NRDC: variants seen among roughly 807,000 people sequenced by gnomAD.
NRDC encodes nardilysin convertase.
NRDC carries 54 observed loss-of-function variants against 147.1 expected under a neutral mutation model. That is an observed-to-expected ratio of 0.37 (90% CI 0.29 to 0.46). The LOEUF (loss-of-function observed/expected upper bound fraction) is 0.46, where lower values mean the gene tolerates loss of function less well. Among genes scored for constraint, NRDC ranks in the 20% least tolerant of loss-of-function variants. The pLI, the probability that NRDC is intolerant of heterozygous loss-of-function variation, is 1.00. For missense variants in NRDC, 1,082 were observed against 1,370.6 expected (o/e 0.79, Z 3.33); for synonymous variants, 440 against 482.1 (o/e 0.91, Z 1.14).
Position 51,878,338 on chromosome 1 carries a change from C to G in NRDC, c.278G>C (p.Gly93Ala). ...AGGGTCCCCAGCATTACTGAGAGAC[C>G]CCCTCCGTCCCTCTTCCTCAGATTC... Reference protein sequence around the residue: ...ADESEEEGRRGSLSNAGDPEI... With the variant: ...ADESEEEGRRASLSNAGDPEI... The change falls in exon 1 of 31, where the codon GGG becomes GCG. Residue 93 changes from glycine to alanine, a missense_variant. Physicochemically the swap from Gly to Ala is moderately conservative, Grantham distance 60. Transcript: ENST00000352171. 4 of 1,614,144 alleles carry G rather than the reference C, an allele frequency of 2.5e-6. No homozygotes were observed. The highest frequency in any genetic ancestry group is 3.4e-6 in the Non-Finnish European group (4 of 1,180,026).
intron 9 of NRDC, 152 bp from the exon 10 acceptor site, chr1:51,818,287 C>T (rs932138699): frequency 3.7e-6 from 2 of 539,330 alleles, no homozygotes; most frequent in African/African-American, 2.0e-5. Context: ...AATTTTCCAA[C>T]TCGAATAATG....
At chr1:51,823,959 T>A (rs1386471579) in intron 6 of NRDC, among the ~76,000 whole-genome samples, 173 bp from the exon 7 acceptor site, 2 of 152,020 alleles carry the variant, frequency 1.3e-5, no homozygotes, top group Admixed American at 6.6e-5. Context: ...CAAAAATGCA[T>A]AAGAAACAAT....
At chr1:51,854,918 C>A (rs1397864745) in intron 1 of NRDC, among the ~76,000 whole-genome samples, 2 of 152,234 alleles carry the variant, frequency 1.3e-5, no homozygotes, top group Non-Finnish European at 2.9e-5. Context: ...TAGAGAGGAA[C>A]TGGGGACTGA....
At position 51,834,170 on chromosome 1, in the gene NRDC, AC is replaced by A. The variant is rs1253278180; in HGVS notation, c.713-1del. 6.2e-7 allele frequency: 1 copy of A among 1,613,670 alleles called. No individual in the cohort carries two copies. Among genetic ancestry groups the A allele is most frequent in the Non-Finnish European group, 8.5e-7 (1 of 1,179,910 alleles). ...ATATTTCAAACTACCCATGAATACC[AC>A]TAAATGGAAAGAACACAAAGTCACA... On this transcript the variant is annotated splice_acceptor_variant, in intron 3 of 30. Coordinates refer to ENST00000352171, the MANE Select transcript of NRDC (RefSeq NM_001101662.2). LOFTEE classifies it high-confidence loss of function.
intron 4 of NRDC, among the ~76,000 whole-genome samples, chr1:51,833,671 T>A (rs777534232): frequency 3.3e-5 from 5 of 152,060 alleles, no homozygotes; most frequent in Admixed American, 2.0e-4. Flanking sequence ...TGCAGTGGTG[T>A]GACTGTAGCT....
chr1:51,804,440 AC>A (rs1679356734), intron 19 of NRDC, among the ~76,000 whole-genome samples: 1 of 152,186 alleles, frequency 6.6e-6, no homozygotes, highest in Non-Finnish European at 1.5e-5. Context: ...CTACGTTCAG[AC>A]ACATTTCCCA....
chr1:51,801,343 C>T (rs1304867157), intron 20 of NRDC: 3 of 152,116 alleles, frequency 2.0e-5, no homozygotes, highest in African/African-American at 7.2e-5. Flanking sequence ...CAGAGCCTCG[C>T]TATATCGCAC....
At chr1:51,799,197 CCTT>C (rs1380185017) in intron 21 of NRDC, 1 of 152,068 alleles carries the variant, frequency 6.6e-6, no homozygotes, top group Non-Finnish European at 1.5e-5. Context: ...AGATAACTCT[CCTT>C]TTTTTATTAT....
At position 51,874,343 on chromosome 1, in the gene NRDC, T is replaced by C. The variant is rs368061973; in HGVS notation, c.341+3932A>G. Among the ~76,000 whole-genome samples, 18 of 151,686 alleles carry C rather than the reference T, an allele frequency of 1.2e-4. No individual in the cohort carries two copies. The East Asian group carries it at 2.2e-3, about 18-fold the overall frequency. ...TGCACCACAGCCAGGCCAGGTGCAG[T>C]GGCTCACCTGTGCCTGTAATCCCAG... On this transcript the variant is annotated intron_variant, in intron 1 of 30. Transcript: ENST00000352171.
chr1:51,877,976 C>A, intron 1 of NRDC: 14 of 1,239,636 alleles, frequency 1.1e-5, no homozygotes, highest in Non-Finnish European at 1.3e-5. Context: ...TACCAAGACT[C>A]CCTCACCATT....
chr1:51,814,551 C>CT lies in NRDC; in HGVS notation c.1618dup (p.Arg540LysfsTer4), dbSNP rs767087523. The CT allele has an allele frequency of 6.2e-7, 1 of 1,613,136 alleles. No homozygotes were observed. The highest frequency in any genetic ancestry group is 8.5e-7 in the Non-Finnish European group (1 of 1,179,292). On this transcript the variant is annotated frameshift_variant and splice_region_variant, in exon 13 of 31. Transcript: ENST00000352171. LOFTEE classifies it high-confidence loss of function. ...CCTCATTCCAGGAAGTGTTTATTAC[C>CT]TTTTTTCTGGGCCTAGCTTCTGCAG...
intron 1 of NRDC, among the ~76,000 whole-genome samples, chr1:51,853,180 GGC>G (rs981630722): frequency 1.3e-5 from 2 of 151,200 alleles, no homozygotes; most frequent in African/African-American, 4.9e-5. Context: ...GCCAAGACAT[GGC>G]ACTCCAGCCT....
intron 22 of NRDC, chr1:51,797,954 G>A: frequency 4.0e-6 from 1 of 252,122 alleles, no homozygotes; most frequent in Non-Finnish European, 7.6e-6. Context: ...ATTTTTTGTA[G>A]GGATGAGTTC....
Position 51,878,103 on chromosome 1 carries a change from G to A in NRDC, c.341+172C>T, listed in dbSNP as rs1203573318. On this transcript the variant is annotated intron_variant, in intron 1 of 30. Coordinates refer to ENST00000352171, the MANE Select transcript of NRDC (RefSeq NM_001101662.2). ...CCCAAGATCTCCCACTTGCCCAGCTGACACCACAGGGAAGCCTCTAATCAC... is the reference window on the plus strand; with the variant it reads ...CCCAAGATCTCCCACTTGCCCAGCTAACACCACAGGGAAGCCTCTAATCAC... The A allele has an allele frequency of 1.5e-5, 22 of 1,422,436 alleles. No homozygotes were observed. The South Asian group carries it at 2.5e-4, about 16-fold the overall frequency. 88.1% of individuals were successfully genotyped at this position (1,422,436 alleles called of 1,614,324 possible).
intron 10 of NRDC, among the ~76,000 whole-genome samples, chr1:51,816,739 T>C (rs998567244): frequency 6.6e-6 from 1 of 152,202 alleles, no homozygotes; most frequent in Non-Finnish European, 1.5e-5. Context: ...TAGGTATGAA[T>C]TACTGTCTGT....
chr1:51,848,640 T>TAAACAA (rs1681779208), intron 1 of NRDC, among the ~76,000 whole-genome samples: 1 of 152,176 alleles, frequency 6.6e-6, no homozygotes, highest in Non-Finnish European at 1.5e-5. Context: ...CAAAGAACTA[T>TAAACAA]AAACAAAAAT....
intron 1 of NRDC, among the ~76,000 whole-genome samples, chr1:51,871,785 G>C (rs544652801): frequency 6.6e-6 from 1 of 152,228 alleles, no homozygotes; most frequent in Admixed American, 6.5e-5. Flanking sequence ...TCTGCTCCCT[G>C]ACTCTCCTAC....
intron 1 of NRDC, among the ~76,000 whole-genome samples, chr1:51,874,627 A>T (rs566221220): frequency 5.3e-5 from 8 of 152,282 alleles, no homozygotes; most frequent in Admixed American, 3.9e-4. Flanking sequence ...AAATAAAAAT[A>T]AAAAATAAAT....
At chr1:51,816,269 C>T in intron 11 of NRDC, 43 bp downstream of exon 11, 1 of 1,299,166 alleles carries the variant, frequency 7.7e-7, no homozygotes, top group Non-Finnish European at 1.1e-6. Context: ...TACTATTTTT[C>T]AGAGATTGCT....
Sources: gnomAD v4.1 joint callset for allele counts (sites outside exome capture counted in the v4.1 genomes callset) on GRCh38, gnomAD v4.1.1 for gene constraint, MANE v1.5 for transcripts, NCBI Gene and HGNC (gene_info 2026-07-23, HGNC 2026-07-21) for gene names.